CENPF: variants seen among roughly 807,000 people sequenced by gnomAD.
CENPF encodes the protein centromere protein F, also known as AH antigen.
In CENPF, 214 loss-of-function variants were observed where a neutral mutation model predicts 307.3. The observed-to-expected ratio is 0.70, with a 90% CI of 0.62 to 0.78. The LOEUF (loss-of-function observed/expected upper bound fraction) is 0.78, where lower values mean the gene tolerates loss of function less well. CENPF is among the 30% of genes least tolerant of loss of function. The pLI is 0.00. For synonymous variants in CENPF, 1,259 were observed against 1,270.6 expected (o/e 0.99, Z 0.19); for missense variants, 3,401 against 3,483.9 (o/e 0.98, Z 0.60).
chr1:214,651,877 A>G lies in CENPF; in HGVS notation c.8151A>G (p.Thr2717=). ...EKKHQALLLD[T]NKQYEVEIQT... ...AACACCAGGCTTTGCTTTTGGACACAAACAAACAGGTGAAATGTGGGGTTT... is the reference window on the plus strand; with the variant it reads ...AACACCAGGCTTTGCTTTTGGACACGAACAAACAGGTGAAATGTGGGGTTT... The change falls in exon 15 of 20, where the codon ACA becomes ACG. Residue 2717 remains threonine, a synonymous_variant. Coordinates refer to ENST00000366955, the MANE Select transcript of CENPF (RefSeq NM_016343.4). 6.2e-7 allele frequency: 1 copy of G among 1,605,116 alleles called. No homozygotes were observed. Among genetic ancestry groups the G allele is most frequent in the Non-Finnish European group, 8.5e-7 (1 of 1,177,196 alleles).
At chr1:214,606,134 C>A in intron 1 of CENPF, 5 of 1,501,846 alleles carry the variant, frequency 3.3e-6, no homozygotes, top group East Asian at 2.4e-5. Context: ...GCACCCTTCC[C>A]GCCAGCGGGC....
chr1:214,637,914 G>A lies in CENPF; in HGVS notation c.1495G>A (p.Ala499Thr), dbSNP rs566306919. Residue 499 changes from alanine (A) to threonine (T), a missense_variant, in exon 11 of 20, where the codon GCC becomes ACC. Physicochemically the swap from Ala to Thr is moderately conservative, Grantham distance 58. Transcript: ENST00000366955. ...CCTTAAGAGTCACTCTGAGCAAAAG[G>A]CCAGAGAAGTCTGCCACCTGGAGGC... Reference protein sequence around the residue: ...NLLKSHSEQKAREVCHLEAEL... With the variant: ...NLLKSHSEQKTREVCHLEAEL... The A allele has an allele frequency of 1.9e-6, 3 of 1,613,330 alleles. No individual in the cohort carries two copies. Among genetic ancestry groups the A allele is most frequent in the East Asian group, 2.2e-5 (1 of 44,848 alleles).
In CENPF at chr1:214,622,099, G is replaced by A; in HGVS notation, c.886G>A (p.Glu296Lys). The stretch of plus-strand genomic sequence containing the variant: ...TCAAGAGCTAAGAAACAAGATTAAT[G>A]AGTTGGAACTACGCCTGCAAGGACA... Reference protein sequence around the residue: ...QNQELRNKINELELRLQGHEK... With the variant: ...QNQELRNKINKLELRLQGHEK... Residue 296 changes from glutamate (E) to lysine (K), a missense_variant, in exon 7 of 20, where the codon GAG becomes AAG. Coordinates refer to ENST00000366955, the MANE Select transcript of CENPF (RefSeq NM_016343.4). The A allele has an allele frequency of 1.9e-6, 3 of 1,613,802 alleles. No individual in the cohort carries two copies. Among genetic ancestry groups the A allele is most frequent in the Non-Finnish European group, 2.5e-6 (3 of 1,179,850 alleles).
intron 1 of CENPF, chr1:214,608,977 C>T (rs1400448326): frequency 1.5e-5 from 13 of 864,094 alleles, no homozygotes; most frequent in South Asian, 7.3e-5. Context: ...CGGCCCCAGA[C>T]GGCAGCCCCG....
chr1:214,608,046 C>A (rs1327212777), intron 1 of CENPF, among the ~76,000 whole-genome samples: 1 of 152,242 alleles, frequency 6.6e-6, no homozygotes. Context: ...ACAAGCTCAG[C>A]CCCTTCCCGT....
At position 214,663,880 on chromosome 1, in the gene CENPF, C is replaced by T; in HGVS notation, c.*86C>T. On this transcript the variant is annotated 3_prime_UTR_variant, in exon 20 of 20. Transcript: ENST00000366955. Reference sequence around the variant, plus strand: ...CTACAGGACTTCTCTTTAGTCAGGGCATGCTTTATTAGTGAGGAGAAAACA... The same window carrying T: ...CTACAGGACTTCTCTTTAGTCAGGGTATGCTTTATTAGTGAGGAGAAAACA... 1 of 1,040,980 alleles carries T rather than the reference C, an allele frequency of 9.6e-7. No homozygotes were observed. Among genetic ancestry groups the T allele is most frequent in the African/African-American group, 1.6e-5 (1 of 62,820 alleles). The allele number at this position is 1,040,980 out of a possible 1,614,324, so 64.5% of individuals were successfully genotyped here.
intron 1 of CENPF, chr1:214,605,411 G>GT (rs545356550): frequency 4.1e-4 from 184 of 447,990 alleles, no homozygotes; most frequent in African/African-American, 3.6e-3. Flanking sequence ...TCATACATCC[G>GT]TAAGTGCCTG....
chr1:214,649,465 G>T (rs1658403486), intron 14 of CENPF, among the ~76,000 whole-genome samples: 1 of 152,166 alleles, frequency 6.6e-6, no homozygotes, highest in African/African-American at 2.4e-5. Context: ...TAGCTGTTTA[G>T]TCCTCATGCA....
Position 214,645,670 on chromosome 1 carries a change from C to G in CENPF, c.6100C>G (p.Gln2034Glu), listed in dbSNP as rs769583088. The change falls in exon 13 of 20, where the codon CAG (glutamine) becomes GAG (glutamate). Residue 2034 changes from glutamine (Q) to glutamate (E), a missense_variant. Transcript: ENST00000366955. ...GCTGTTAAAAGACAAAACTCATCTC[C>G]AGGAAAAGCTGCAGAGTTTGGAAAA... ...SELLKDKTHLQEKLQSLEKDS... is the reference protein window; with the variant it reads ...SELLKDKTHLEEKLQSLEKDS... 2 of 1,614,008 alleles carry G rather than the reference C, an allele frequency of 1.2e-6. No individual in the cohort carries two copies. Among genetic ancestry groups the G allele is most frequent in the African/African-American group, 2.7e-5 (2 of 74,914 alleles).
At position 214,659,264 on chromosome 1, in the gene CENPF, G is replaced by A. The variant is rs1658733068; in HGVS notation, c.9141+236G>A. ...CTTATATGTAGTTTGATGGAAAATG[G>A]CATTGTTACATCAAAACTCAGTGGA... On this transcript the variant is annotated intron_variant, in intron 19 of 19. Transcript: ENST00000366955. This position sits in a 1 kb window ranked among gnomAD's most constrained non-coding sequence, Gnocchi z 4.4. Among the ~76,000 whole-genome samples, 1 of 152,066 alleles carries A rather than the reference G, an allele frequency of 6.6e-6. No individual in the cohort carries two copies. Among genetic ancestry groups the A allele is most frequent in the Admixed American group, 6.6e-5 (1 of 15,254 alleles).
chr1:214,605,361 G>C (rs1656992350), intron 1 of CENPF: 1 of 313,926 alleles, frequency 3.2e-6, no homozygotes, highest in Non-Finnish European at 5.9e-6. Context: ...TTACAAACAA[G>C]GGAAACAAGG....
At chr1:214,655,479 A>G in intron 17 of CENPF, 76 bp downstream of exon 17, 1 of 1,231,646 alleles carries the variant, frequency 8.1e-7, no homozygotes, top group Non-Finnish European at 1.1e-6. Flanking sequence ...ATGCGTGCAT[A>G]GGAACTATTT....
At position 214,657,309 on chromosome 1, in the gene CENPF, T is replaced by TA. The variant is rs765361699; in HGVS notation, c.8869dup (p.Ser2957LysfsTer19). On this transcript the variant is annotated frameshift_variant, in exon 18 of 20. Transcript: ENST00000366955. LOFTEE classifies it high-confidence loss of function. Reference sequence around the variant, plus strand: ...CACCTGCTACCCCAGAGAGCTTTTCTAAAAAAAGCAAGAAAGCAGTCATGA... The same window carrying TA: ...CACCTGCTACCCCAGAGAGCTTTTCTAAAAAAAAGCAAGAAAGCAGTCATGA... 4.3e-6 allele frequency: 7 copies of TA among 1,613,310 alleles called. No individual in the cohort carries two copies. Among genetic ancestry groups the TA allele is most frequent in the South Asian group, 2.2e-5 (2 of 90,994 alleles).
intron 1 of CENPF, chr1:214,608,434 G>A: frequency 6.2e-7 from 1 of 1,613,282 alleles, no homozygotes. Context: ...ATGGAGGCGG[G>A]AGCCCAGGCC....
chr1:214,613,889 G>A lies in CENPF; in HGVS notation c.135G>A (p.Glu45=). ...GGCAGTTTCAGCTTGACAGTCTCGA[G>A]GCTGCGCTGCAGAAGCAAAAACAGA... ...QQRQFQLDSL[E]AALQKQKQKV... The change falls in exon 2 of 20, where the codon GAG becomes GAA. Residue 45 remains glutamate (E), a synonymous_variant. Coordinates refer to ENST00000366955, the MANE Select transcript of CENPF (RefSeq NM_016343.4). 1 of 1,612,888 alleles carries A rather than the reference G, an allele frequency of 6.2e-7. No homozygotes were observed. Among genetic ancestry groups the A allele is most frequent in the Non-Finnish European group, 8.5e-7 (1 of 1,179,638 alleles).
chr1:214,608,577 G>T, intron 1 of CENPF: 2 of 1,610,096 alleles, frequency 1.2e-6, no homozygotes, highest in Non-Finnish European at 1.7e-6. Flanking sequence ...TGGTGGGGAA[G>T]ACCTCAATGG....
chr1:214,614,271 CA>C (rs949702555), intron 2 of CENPF, among the ~76,000 whole-genome samples: 19 of 152,194 alleles, frequency 1.2e-4, no homozygotes, highest in Non-Finnish European at 2.4e-4. Flanking sequence ...AGCAACAAGG[CA>C]AAAGGTGTCT....
rs1475960498 is a variant in CENPF, at chr1:214,640,201, T to C, written c.1863T>C (p.Cys621=). The C allele has an allele frequency of 6.3e-7, 1 of 1,599,000 alleles. No individual in the cohort carries two copies. Among genetic ancestry groups the C allele is most frequent in the African/African-American group, 1.4e-5 (1 of 73,678 alleles). The part of the protein sequence containing the change: ...ELKEEKTLFS[C]WKSENEKLLT... Reference sequence around the variant, plus strand: ...AAGAAGAGAAAACTCTGTTTTCTTGTTGGAAAAGTGAAAACGAAAAACTTT... The same window carrying C: ...AAGAAGAGAAAACTCTGTTTTCTTGCTGGAAAAGTGAAAACGAAAAACTTT... The change falls in exon 12 of 20, where the codon TGT becomes TGC. Residue 621 remains cysteine (C), a synonymous_variant. Coordinates refer to ENST00000366955, the MANE Select transcript of CENPF (RefSeq NM_016343.4).
At position 214,637,980 on chromosome 1, in the gene CENPF, A is replaced by G. The variant is rs370775342; in HGVS notation, c.1561A>G (p.Asn521Asp). Residue 521 changes from asparagine (N) to aspartate (D), a missense_variant, in exon 11 of 20, where the codon AAT becomes GAT. By Grantham distance (23) the Asn-to-Asp change is conservative. Transcript: ENST00000366955. ...NIKQCLNQSQ[N>D]FAEEMKAKNT... ...CAAACAGTGTTTAAATCAGAGCCAG[A>G]ATTTTGCAGAAGAAATGAAAGGTAA... is the stretch of plus-strand genomic sequence containing the variant. 2.5e-6 allele frequency: 4 copies of G among 1,609,140 alleles called. No individual in the cohort carries two copies. Among genetic ancestry groups the G allele is most frequent in the Non-Finnish European group, 2.5e-6 (3 of 1,178,992 alleles).
Sources: allele counts gnomAD v4.1 joint callset (sites outside exome capture counted in the v4.1 genomes callset), GRCh38; gene constraint gnomAD v4.1.1; non-coding constraint Gnocchi (gnomAD v3.1); transcripts MANE v1.5; gene names NCBI Gene and HGNC (gene_info 2026-07-23, HGNC 2026-07-21).